Variants in PSMA3 observed in about 807,000 individuals in gnomAD.
PSMA3 encodes the protein proteasome subunit alpha type-3.
A neutral mutation model predicts 40.0 loss-of-function variants in PSMA3; 8 were observed. The ratio of observed to expected loss-of-function variants is 0.20; its 90% CI spans 0.12 to 0.36. PSMA3 has a LOEUF of 0.36. PSMA3 is among the 10% of genes least tolerant of loss of function. The pLI, the probability that PSMA3 is intolerant of heterozygous loss-of-function variation, is 1.00. For missense variants in PSMA3, 219 were observed against 310.6 expected (o/e 0.70, Z 2.22); for synonymous variants, 110 against 100.0 (o/e 1.10, Z -0.59).
At position 58,249,187 on chromosome 14, in the gene PSMA3, T is replaced by G. The variant is rs372169732; in HGVS notation, c.104+1355T>G. ...GTTGGTCAGGCTGGTCTCGAACTCCTGACCTCAGGTGATCCGCCTGCCTCA... is the reference window on the plus strand; with the variant it reads ...GTTGGTCAGGCTGGTCTCGAACTCCGGACCTCAGGTGATCCGCCTGCCTCA... On this transcript the variant is annotated intron_variant, in intron 2 of 10. Transcript: ENST00000216455. Among the ~76,000 whole-genome samples, 550 of 152,088 alleles carry G rather than the reference T, an allele frequency of 3.6e-3. 7 individuals carry two copies. The highest frequency in any genetic ancestry group is 0.012 in the African/African-American group (490 of 41,526).
intron 1 of PSMA3, among the ~76,000 whole-genome samples, chr14:58,245,993 C>A (rs184248296): frequency 2.0e-4 from 31 of 152,188 alleles, no homozygotes; most frequent in Admixed American, 5.2e-4. Flanking sequence ...TTAATATTAC[C>A]TTGAATTAAT....
intron 3 of PSMA3, among the ~76,000 whole-genome samples, chr14:58,255,947 C>T (rs932327448): frequency 2.6e-5 from 4 of 152,258 alleles, no homozygotes; most frequent in Admixed American, 2.6e-4. Context: ...CAGCCTCCGC[C>T]TCCCGAGTTC....
chr14:58,271,950 A>T lies in PSMA3; in HGVS notation c.*55A>T. 2.3e-6 allele frequency: 3 copies of T among 1,318,988 alleles called. No homozygotes were observed. The South Asian group carries it at 3.6e-5, about 16-fold the overall frequency. The allele number at this position is 1,318,988 out of a possible 1,614,324, so 81.7% of individuals were successfully genotyped here. A position where few individuals can be genotyped will look rare whatever the true frequency, so the allele number is the denominator to read the frequency against. ...ATTTCTACTCCAGTCCAATGTAACT[A>T]TTTAGCCCTGGATTATACATACTGT... is the stretch of plus-strand genomic sequence containing the variant. On this transcript the variant is annotated 3_prime_UTR_variant, in exon 11 of 11. Coordinates refer to ENST00000216455, the MANE Select transcript of PSMA3 (RefSeq NM_002788.4).
chr14:58,246,219 C>G (rs1017308350), intron 1 of PSMA3, among the ~76,000 whole-genome samples: 6 of 152,084 alleles, frequency 3.9e-5, no homozygotes, highest in African/African-American at 1.4e-4. Context: ...TTCACTTGAT[C>G]GTTTAATAGT....
intron 7 of PSMA3, chr14:58,265,793 A>T (rs966476924): frequency 6.6e-6 from 1 of 152,228 alleles, no homozygotes; most frequent in Non-Finnish European, 1.5e-5. Flanking sequence ...CAAAAATTTA[A>T]AGATCAGCAT....
chr14:58,245,782 G>T lies in PSMA3; in HGVS notation c.21+841G>T, dbSNP rs142840799. 1.2e-3 allele frequency among the ~76,000 whole-genome samples: 186 copies of T among 152,282 alleles called. 1 individual carries two copies. Among genetic ancestry groups the T allele is most frequent in the African/African-American group, 4.4e-3 (181 of 41,548 alleles). On this transcript the variant is annotated intron_variant, in intron 1 of 10. Coordinates refer to ENST00000216455, the MANE Select transcript of PSMA3 (RefSeq NM_002788.4). ...GAGTTATTGAATAATGAGTTTCTCA[G>T]TTCCTCAATTTCTACTTCTTAACAA... is the stretch of plus-strand genomic sequence containing the variant.
chr14:58,255,709 C>T (rs996591974), intron 3 of PSMA3, among the ~76,000 whole-genome samples: 1 of 152,104 alleles, frequency 6.6e-6, no homozygotes, highest in Non-Finnish European at 1.5e-5. Flanking sequence ...GTGGAGGTTG[C>T]GGTGAGCCGC....
At chr14:58,261,192 T>A (rs1594829530) in intron 6 of PSMA3, among the ~76,000 whole-genome samples, 172 bp downstream of exon 6, 1 of 150,592 alleles carries the variant, frequency 6.6e-6, no homozygotes. Flanking sequence ...TTTTTTTTTT[T>A]CCTTTTTGGG....
chr14:58,270,937 C>T lies in PSMA3; in HGVS notation c.662C>T (p.Thr221Ile). 1 of 1,601,038 alleles carries T rather than the reference C, an allele frequency of 6.2e-7. No homozygotes were observed. Among genetic ancestry groups the T allele is most frequent in the African/African-American group, 1.3e-5 (1 of 74,630 alleles). Residue 221 changes from threonine to isoleucine, a missense_variant, in exon 10 of 11, where the codon ACT becomes ATT. Thr to Ile is a moderately conservative substitution (Grantham distance 89, BLOSUM62 -1). Coordinates refer to ENST00000216455, the MANE Select transcript of PSMA3 (RefSeq NM_002788.4). ...ELELSWVGEL[T>I]NGRHEIVPKD... ...ACACATGTGGCTTAATTTACAGTAA[C>T]TAATGGAAGACATGAAATTGTTCCA...
chr14:58,248,613 T>C (rs1889930274), intron 2 of PSMA3, among the ~76,000 whole-genome samples: 1 of 152,164 alleles, frequency 6.6e-6, no homozygotes, highest in South Asian at 2.1e-4. Context: ...TGAGGAAATA[T>C]CTTTAAAAAA....
intron 3 of PSMA3, among the ~76,000 whole-genome samples, chr14:58,257,476 T>C (rs1278624986): frequency 6.6e-6 from 1 of 151,046 alleles, no homozygotes; most frequent in East Asian, 1.9e-4. Flanking sequence ...CCAGCCCTGG[T>C]GACAGAGCGA....
intron 3 of PSMA3, among the ~76,000 whole-genome samples, chr14:58,256,174 C>A (rs922201244): frequency 1.3e-5 from 2 of 151,736 alleles, no homozygotes; most frequent in African/African-American, 2.4e-5. Flanking sequence ...AGTTCTAAGC[C>A]GCAAATCTTG....
intron 6 of PSMA3, among the ~76,000 whole-genome samples, chr14:58,261,532 G>A (rs1218275335): frequency 6.6e-6 from 1 of 152,008 alleles, no homozygotes; most frequent in East Asian, 1.9e-4. Context: ...TTTTTTTTCA[G>A]TATGTTATTT....
At chr14:58,251,701 A>G (rs947690719) in intron 2 of PSMA3, among the ~76,000 whole-genome samples, 6 of 152,248 alleles carry the variant, frequency 3.9e-5, no homozygotes, top group African/African-American at 1.4e-4. Flanking sequence ...GGAAGAATAA[A>G]TCATAATCCT....
intron 6 of PSMA3, among the ~76,000 whole-genome samples, chr14:58,262,944 T>C (rs984845790): frequency 2.0e-5 from 3 of 151,988 alleles, no homozygotes; most frequent in Non-Finnish European, 4.4e-5. Flanking sequence ...TGAAGATTCT[T>C]AAATATATTT....
At chr14:58,252,434 A>T (rs968916140) in intron 3 of PSMA3, among the ~76,000 whole-genome samples, 192 bp downstream of exon 3, 1 of 151,534 alleles carries the variant, frequency 6.6e-6, no homozygotes, top group Admixed American at 6.6e-5. Context: ...TTGCTGAAAG[A>T]AGAGCAGGTG....
intron 3 of PSMA3, among the ~76,000 whole-genome samples, chr14:58,254,333 C>CATGTATATATATATATAT: frequency 4.2e-5 from 1 of 23,792 alleles, no homozygotes; most frequent in Non-Finnish European, 8.3e-5. Flanking sequence ...ATTATGCATG[C>CATGTATATATATATATAT]ATATATATAT....
chr14:58,267,191 A>G (rs1325719693), intron 7 of PSMA3: 2 of 215,042 alleles, frequency 9.3e-6, no homozygotes, highest in Non-Finnish European at 1.7e-5. Context: ...AAGTAGAGAC[A>G]GGGTTTCACC....
Position 58,257,812 on chromosome 14 carries a change from T to C in PSMA3, c.296T>C (p.Phe99Ser). The C allele has an allele frequency of 6.2e-7, 1 of 1,613,702 alleles. No homozygotes were observed. Among genetic ancestry groups the C allele is most frequent in the Non-Finnish European group, 8.5e-7 (1 of 1,179,610 alleles). The change falls in exon 4 of 11, where the codon TTC (phenylalanine) becomes TCC (serine). Residue 99 changes from phenylalanine to serine, a missense_variant. Transcript: ENST00000216455. ...ATAGCAAGAGAAGAAGCTTCCAACT[T>C]CAGATCTAACTTTGGCTACAACATT... ...ADIAREEASN[F>S]RSNFGYNIPL...
Sources: allele counts gnomAD v4.1 joint callset (sites outside exome capture counted in the v4.1 genomes callset), GRCh38; gene constraint gnomAD v4.1.1; transcripts MANE v1.5; gene names NCBI Gene and HGNC (gene_info 2026-07-23, HGNC 2026-07-21).